Variants in IPO11 observed in about 807,000 individuals in gnomAD.
The protein encoded by IPO11 is importin 11.
IPO11 carries 66 observed loss-of-function variants against 143.2 expected under a neutral mutation model. The observed-to-expected ratio is 0.46, with a 90% CI of 0.38 to 0.57. The LOEUF is 0.57. Ranked by LOEUF, IPO11 falls within the 20% of genes least tolerant of loss-of-function variation. The pLI is 0.00. For missense variants in IPO11, 1,026 were observed against 1,141.0 expected, an observed-to-expected ratio of 0.90 and a Z score of 1.45; for synonymous variants, 385 against 377.8, an observed-to-expected ratio of 1.02 and a Z score of -0.22.
rs900984546 is a variant in IPO11, at chr5:62,510,003, C to T, written c.1782+3646C>T. ...TTTCCATAGTGGCTGTAACATTTTA[C>T]ATTCCTAGCAACAGTGTACAAAGAT... is the stretch of plus-strand genomic sequence containing the variant. On this transcript the variant is annotated intron_variant, in intron 19 of 29. Coordinates refer to ENST00000325324, the MANE Select transcript of IPO11 (RefSeq NM_016338.5). Among the ~76,000 whole-genome samples the T allele has an allele frequency of 1.3e-5, 2 of 152,134 alleles. 1 individual carries two copies. The highest frequency in any genetic ancestry group is 4.8e-5 in the African/African-American group (2 of 41,426).
intron 19 of IPO11, among the ~76,000 whole-genome samples, chr5:62,509,531 AC>A (rs370836996): frequency 3.3e-5 from 5 of 152,312 alleles, no homozygotes; most frequent in African/African-American, 1.2e-4. Flanking sequence ...CATCCTCTTA[AC>A]AAAATTATAA....
chr5:62,551,595 A>G (rs1743392191), intron 26 of IPO11, among the ~76,000 whole-genome samples: 1 of 152,150 alleles, frequency 6.6e-6, no homozygotes, highest in South Asian at 2.1e-4. Context: ...TGATTTGTTT[A>G]TAGCTGCTGT....
intron 19 of IPO11, among the ~76,000 whole-genome samples, chr5:62,508,710 A>G (rs1244396111): frequency 6.6e-6 from 1 of 151,476 alleles, no homozygotes; most frequent in African/African-American, 2.4e-5. Context: ...TCATGTTGAC[A>G]GTTACATTAG....
intron 29 of IPO11, among the ~76,000 whole-genome samples, chr5:62,624,939 C>T (rs538674544): frequency 2.1e-5 from 3 of 145,848 alleles, no homozygotes; most frequent in Admixed American, 7.1e-5. Context: ...GAGCCGAAAT[C>T]GCGCCAGTGC....
At chr5:62,601,893 T>A (rs1745519501) in intron 29 of IPO11, 45 bp downstream of exon 29, 2 of 1,202,590 alleles carry the variant, frequency 1.7e-6, no homozygotes, top group African/African-American at 1.5e-5. Flanking sequence ...CCATATATTA[T>A]CATTTTCTGT....
At chr5:62,479,107 C>T (rs74516385) in intron 9 of IPO11, among the ~76,000 whole-genome samples, 1 of 152,156 alleles carries the variant, frequency 6.6e-6, no homozygotes, top group African/African-American at 2.4e-5. Flanking sequence ...CCACGGCAGG[C>T]CCCGGTGTGT....
chr5:62,431,058 C>T (rs1743968234), intron 1 of IPO11, among the ~76,000 whole-genome samples: 1 of 151,808 alleles, frequency 6.6e-6, no homozygotes, highest in Admixed American at 6.6e-5. Context: ...CTCACTGCAA[C>T]CTCCGCCTCC....
chr5:62,476,227 A>G (rs968422739), intron 8 of IPO11, among the ~76,000 whole-genome samples: 2 of 152,172 alleles, frequency 1.3e-5, no homozygotes, highest in Non-Finnish European at 2.9e-5. Context: ...ATTATTAGAG[A>G]GCAGATTAGC....
At chr5:62,580,604 C>T (rs180866265) in intron 27 of IPO11, 1 of 1,551,468 alleles carries the variant, frequency 6.4e-7, no homozygotes, top group Non-Finnish European at 8.7e-7. Context: ...CAGAATCCCC[C>T]ATCCATGCGT....
intron 27 of IPO11, chr5:62,578,806 A>AC: frequency 2.3e-6 from 1 of 435,734 alleles, no homozygotes; most frequent in Non-Finnish European, 4.6e-6. Flanking sequence ...AAAAAAAAAA[A>AC]AAAAGTGGTG....
chr5:62,605,958 T>C (rs1236497133), intron 29 of IPO11, among the ~76,000 whole-genome samples: 1 of 152,040 alleles, frequency 6.6e-6, no homozygotes. Flanking sequence ...CTCGAACTCT[T>C]AGGCTCAAGA....
At chr5:62,447,354 C>T (rs996559869) in intron 3 of IPO11, among the ~76,000 whole-genome samples, 4 of 152,164 alleles carry the variant, frequency 2.6e-5, no homozygotes, top group African/African-American at 7.2e-5. Context: ...ACCCTCCCAC[C>T]TTGGCCTTCC....
At chr5:62,470,816 CTTTTTTTTTTTTTTTTTTT>C (rs70981015) in intron 7 of IPO11, among the ~76,000 whole-genome samples, 1 of 62,536 alleles carries the variant, frequency 1.6e-5, no homozygotes, top group Non-Finnish European at 2.7e-5. Context: ...TAGCCATCTT[CTTTTTTTTTTTTTTTTTTT>C]TTTTTTTTTT....
At chr5:62,491,826 C>T (rs990416134) in intron 15 of IPO11, among the ~76,000 whole-genome samples, 13 of 151,800 alleles carry the variant, frequency 8.6e-5, no homozygotes, top group African/African-American at 3.1e-4. Flanking sequence ...CCACCATGCC[C>T]GGCTAATTTT....
At chr5:62,614,091 C>T (rs1746035559) in intron 29 of IPO11, among the ~76,000 whole-genome samples, 1 of 152,172 alleles carries the variant, frequency 6.6e-6, no homozygotes, top group South Asian at 2.1e-4. Flanking sequence ...TCATATTAAT[C>T]ATCTGATTTT....
At chr5:62,532,946 ATTTAAAAAGTTCTAT>A (rs1214558634) in intron 22 of IPO11, among the ~76,000 whole-genome samples, 1 of 152,184 alleles carries the variant, frequency 6.6e-6, no homozygotes, top group Non-Finnish European at 1.5e-5. Context: ...ATTTTTAAAG[ATTTAAAAAGTTCTAT>A]TTTATAAAGT....
intron 27 of IPO11, chr5:62,581,425 TA>T (rs1447188332): frequency 3.7e-6 from 3 of 805,770 alleles, no homozygotes; most frequent in Non-Finnish European, 5.6e-6. Context: ...AGGTTAGCAT[TA>T]TTAAAATATG....
chr5:62,458,346 G>T, intron 5 of IPO11, among the ~76,000 whole-genome samples: 1 of 97,088 alleles, frequency 1.0e-5, no homozygotes, highest in East Asian at 2.4e-4. Context: ...TGTCACCCAG[G>T]CTGGAGTGCA....
At chr5:62,455,506 GA>G (rs1305922701) in intron 5 of IPO11, among the ~76,000 whole-genome samples, 1 of 152,176 alleles carries the variant, frequency 6.6e-6, no homozygotes, top group Non-Finnish European at 1.5e-5. Context: ...CTAGACGACA[GA>G]GAGAGAGTGT....
Sources: gnomAD v4.1 joint callset for allele counts (sites outside exome capture counted in the v4.1 genomes callset) on GRCh38, gnomAD v4.1.1 for gene constraint, MANE v1.5 for transcripts, NCBI Gene and HGNC (gene_info 2026-07-23, HGNC 2026-07-21) for gene names.